The following RELN variants were observed in gnomAD, a reference collection of about 807,000 sequenced individuals.
RELN encodes reelin.
Under a neutral mutation model 427.6 loss-of-function variants are expected in RELN, and 108 were observed. The ratio of observed to expected loss-of-function variants is 0.25; its 90% CI spans 0.22 to 0.30. RELN has a LOEUF of 0.30. Among genes scored for constraint, RELN ranks in the 10% least tolerant of loss-of-function variants. RELN has a pLI of 1.00. For missense variants in RELN, 3,715 were observed against 4,302.8 expected (o/e 0.86, Z 3.82); for synonymous variants, 1,524 against 1,513.4 (o/e 1.01, Z -0.16).
chr7:103,498,446 AAAT>A (rs1485219599), intron 53 of RELN, among the ~76,000 whole-genome samples, 194 bp from the exon 54 acceptor site: 1 of 152,194 alleles, frequency 6.6e-6, no homozygotes, highest in Non-Finnish European at 1.5e-5. Context: ...TAAACTGCTC[AAAT>A]AATGTTTAAT....
At chr7:103,883,565 G>A (rs543301788) in intron 2 of RELN, among the ~76,000 whole-genome samples, 48 of 152,322 alleles carry the variant, frequency 3.2e-4, no homozygotes, top group African/African-American at 1.1e-3. Flanking sequence ...TCCTTAAGCT[G>A]ATAAGTAACT....
At chr7:103,944,261 A>G (rs1796175721) in intron 1 of RELN, among the ~76,000 whole-genome samples, 1 of 152,182 alleles carries the variant, frequency 6.6e-6, no homozygotes, top group African/African-American at 2.4e-5. Context: ...TTCTACATAG[A>G]AATACTAGGC....
At chr7:103,851,048 ACAAT>A (rs1407092984) in intron 2 of RELN, among the ~76,000 whole-genome samples, 1 of 152,228 alleles carries the variant, frequency 6.6e-6, no homozygotes, top group African/African-American at 2.4e-5. Flanking sequence ...TTATTGCAGA[ACAAT>A]TCACATTGCA....
At chr7:103,855,600 G>C (rs572208863) in intron 2 of RELN, among the ~76,000 whole-genome samples, 5 of 152,250 alleles carry the variant, frequency 3.3e-5, no homozygotes, top group African/African-American at 1.2e-4. Flanking sequence ...TTAGTTTTCT[G>C]TAACAACTTA....
At chr7:103,594,645 C>A (rs1831496999) in intron 25 of RELN, among the ~76,000 whole-genome samples, 153 bp from the exon 26 acceptor site, 2 of 151,778 alleles carry the variant, frequency 1.3e-5, no homozygotes, top group Admixed American at 1.3e-4. Flanking sequence ...ACATATCAGA[C>A]TTGAGGTTTA....
rs1001082715 is a variant in RELN at position 103,640,779 on chromosome 7, C to T, written c.2003-170G>A. 4.6e-5 allele frequency among the ~76,000 whole-genome samples: 7 copies of T among 152,068 alleles called. No homozygotes were observed. The highest frequency in any genetic ancestry group is 1.7e-4 in the African/African-American group (7 of 41,400). ...AGGTAAGTGCTTAGTTACAAAGCTGCTGAAACAGTCACAAGTTATACAGAT... is the reference window on the plus strand; with the variant it reads ...AGGTAAGTGCTTAGTTACAAAGCTGTTGAAACAGTCACAAGTTATACAGAT... On this transcript the variant is annotated intron_variant, in intron 16 of 64. Coordinates refer to ENST00000428762, the MANE Select transcript of RELN (RefSeq NM_005045.4). This position sits in a 1 kb window ranked among gnomAD's most constrained non-coding sequence, Gnocchi z 4.1.
intron 16 of RELN, among the ~76,000 whole-genome samples, chr7:103,643,705 A>C (rs1832740180): frequency 6.6e-6 from 1 of 152,098 alleles, no homozygotes; most frequent in Non-Finnish European, 1.5e-5. Flanking sequence ...TTCTTGTTAG[A>C]AACCTTATAA....
chr7:103,597,266 A>T (rs1831559338), intron 24 of RELN, among the ~76,000 whole-genome samples: 1 of 152,194 alleles, frequency 6.6e-6, no homozygotes, highest in South Asian at 2.1e-4. Context: ...TCCTGTGGGC[A>T]TTAAAGTAGA....
intron 4 of RELN, among the ~76,000 whole-genome samples, chr7:103,768,196 T>A (rs571675755): frequency 6.6e-6 from 1 of 152,264 alleles, no homozygotes; most frequent in Admixed American, 6.5e-5. Context: ...AGCTAGTGAA[T>A]GAACCTAAGC....
intron 2 of RELN, among the ~76,000 whole-genome samples, chr7:103,916,135 A>G (rs1023145995): frequency 3.9e-5 from 6 of 152,178 alleles, no homozygotes; most frequent in Admixed American, 2.0e-4. Flanking sequence ...AGCAGTGACA[A>G]TGCAGCATCA....
chr7:103,607,120 C>T (rs538021876), intron 22 of RELN, among the ~76,000 whole-genome samples: 1 of 148,444 alleles, frequency 6.7e-6, no homozygotes, highest in Non-Finnish European at 1.5e-5. Flanking sequence ...GGGAGGGATA[C>T]CATTAGGAGA....
In RELN at chr7:103,490,679, A is replaced by G. The variant is rs145730672; in HGVS notation, c.9594T>C (p.His3198=). 6 of 1,614,100 alleles carry G rather than the reference A, an allele frequency of 3.7e-6. No individual in the cohort carries two copies. In the African/African-American group the frequency reaches 8.0e-5, roughly 22 times the overall value. Residue 3198 remains histidine, a synonymous_variant, in exon 59 of 65, where the codon CAT becomes CAC. Transcript: ENST00000428762. ...AATTTGCAACCTACCTAGAGGAGACATGGTCAGGCAGCTGGATGGTGATTC... is the reference window on the plus strand; with the variant it reads ...AATTTGCAACCTACCTAGAGGAGACGTGGTCAGGCAGCTGGATGGTGATTC... ...WKRITIQLPD[H]VSSSATQFRW...
At chr7:103,946,116 C>G (rs1194707888) in intron 1 of RELN, among the ~76,000 whole-genome samples, 1 of 152,178 alleles carries the variant, frequency 6.6e-6, no homozygotes, top group Non-Finnish European at 1.5e-5. Context: ...TTGCCTTGTT[C>G]AGTGCTACTG....
intron 1 of RELN, among the ~76,000 whole-genome samples, chr7:103,928,490 G>T (rs1431847961): frequency 6.6e-6 from 1 of 152,138 alleles, no homozygotes; most frequent in African/African-American, 2.4e-5. Flanking sequence ...CTGTGTGAGT[G>T]GTCCTGGGAT....
chr7:103,593,514 G>A (rs942965182), intron 27 of RELN, among the ~76,000 whole-genome samples, 168 bp downstream of exon 27: 3 of 151,828 alleles, frequency 2.0e-5, no homozygotes, highest in South Asian at 2.1e-4. Context: ...AACTGCTTTC[G>A]AGTAGAGCTG....
chr7:103,535,289 G>A (rs768969584), intron 46 of RELN, 27 bp downstream of exon 46: 1 of 1,609,878 alleles, frequency 6.2e-7, no homozygotes, highest in South Asian at 1.1e-5. Flanking sequence ...GTAGAAGCAT[G>A]TGGTGAACAT....
At chr7:103,742,735 C>T (rs897954418) in intron 6 of RELN, among the ~76,000 whole-genome samples, 1 of 152,180 alleles carries the variant, frequency 6.6e-6, no homozygotes, top group Admixed American at 6.5e-5. Flanking sequence ...AAGAAACGAA[C>T]AAATCCTCTA....
At chr7:103,557,922 A>G (rs755197812) in intron 37 of RELN, 43 bp downstream of exon 37, 13 of 907,724 alleles carry the variant, frequency 1.4e-5, no homozygotes, top group Admixed American at 1.0e-4. Context: ...GGAATTGCAC[A>G]GGGGAGAATT....
chr7:103,714,011 T>C (rs1789873225), intron 8 of RELN, among the ~76,000 whole-genome samples: 1 of 152,184 alleles, frequency 6.6e-6, no homozygotes, highest in African/African-American at 2.4e-5. Context: ...ACATGGCAAG[T>C]CTAGGAATAC....
Sources: gnomAD v4.1 joint callset for allele counts (sites outside exome capture counted in the v4.1 genomes callset) on GRCh38, gnomAD v4.1.1 for gene constraint, Gnocchi (gnomAD v3.1) non-coding constraint, MANE v1.5 for transcripts, NCBI Gene and HGNC (gene_info 2026-07-23, HGNC 2026-07-21) for gene names.